The following MAFG variants were observed in gnomAD, a reference collection of about 807,000 sequenced individuals.
The protein encoded by MAFG is MAF bZIP transcription factor G.
MAFG carries 3 observed loss-of-function variants against 12.2 expected under a neutral mutation model. That is an observed-to-expected ratio of 0.25 (90% CI 0.11 to 0.64). The LOEUF (loss-of-function observed/expected upper bound fraction) is 0.64, where lower values mean the gene tolerates loss of function less well. Among genes scored for constraint, MAFG ranks in the 30% least tolerant of loss-of-function variants. The pLI is 0.85. For synonymous variants in MAFG, 126 were observed against 109.1 expected, an observed-to-expected ratio of 1.15 and a Z score of -0.96; for missense variants, 153 against 235.5, an observed-to-expected ratio of 0.65 and a Z score of 2.29.
upstream of MAFG, chr17:81,928,341 G>A (rs2040959956): frequency 6.6e-6 from 1 of 152,342 alleles, no homozygotes; most frequent in Non-Finnish European, 1.5e-5. This position sits in a 1 kb window ranked among gnomAD's most constrained non-coding sequence, Gnocchi z 8.1. Context: ...GCGAGGACTC[G>A]GGAGGAAGAT....
rs561960037 is a variant in MAFG, at chr17:81,924,246, A to G, written c.-29-1032T>C. ...GCCCACAGGGCCAGGGAGCAAAAAC[A>G]AAAGTGCTGGGGTGGCCGGACTTAA... On this transcript the variant is annotated intron_variant, in intron 1 of 2. Transcript: ENST00000357736. This position sits in a 1 kb window ranked among gnomAD's most constrained non-coding sequence, Gnocchi z 4.7. 593 of 152,318 alleles carry G rather than the reference A, an allele frequency of 3.9e-3. 4 individuals carry two copies. Among genetic ancestry groups the G allele is most frequent in the Middle Eastern group, 0.027 (8 of 294 alleles). 9.4% of individuals were successfully genotyped at this position (152,318 alleles called of 1,614,324 possible).
In MAFG at chr17:81,922,431, G is replaced by C. The variant is rs935106739; in HGVS notation, c.*174C>G. 3 of 511,100 alleles carry C rather than the reference G, an allele frequency of 5.9e-6. No homozygotes were observed. Among genetic ancestry groups the C allele is most frequent in the Non-Finnish European group, 1.0e-5 (3 of 299,252 alleles). The allele number at this position is 511,100 out of a possible 1,614,324, so 31.7% of individuals were successfully genotyped here. ...ACAAAACACACGACGACAATGACGA[G>C]ATCAAAGGGGCTCAGCCCGGCGCCC... is the stretch of plus-strand genomic sequence containing the variant. On this transcript the variant is annotated 3_prime_UTR_variant, in exon 3 of 3. Coordinates refer to ENST00000357736, the MANE Select transcript of MAFG (RefSeq NM_002359.4).
rs1451320385 is a variant in MAFG, at chr17:81,922,256, C to T, written c.*349G>A. On this transcript the variant is annotated 3_prime_UTR_variant, in exon 3 of 3. Coordinates refer to ENST00000357736, the MANE Select transcript of MAFG (RefSeq NM_002359.4). ...GGGACCCTCACTGCTCGGGGACACG[C>T]GAGGCCCAGCGTGCCTGCTCCTTCT... 4 of 173,768 alleles carry T rather than the reference C, an allele frequency of 2.3e-5. No homozygotes were observed. The highest frequency in any genetic ancestry group is 4.7e-5 in the African/African-American group (2 of 42,302). 10.8% of individuals were successfully genotyped at this position (173,768 alleles called of 1,614,324 possible). A position where few individuals can be genotyped will look rare whatever the true frequency, so the allele number is the denominator to read the frequency against.
chr17:81,918,276 T>A lies in MAFG; in HGVS notation c.*4329A>T. The A allele has an allele frequency of 3.1e-6, 2 of 654,254 alleles. No individual in the cohort carries two copies. Among genetic ancestry groups the A allele is most frequent in the Non-Finnish European group, 4.7e-6 (2 of 423,140 alleles). 40.5% of individuals were successfully genotyped at this position (654,254 alleles called of 1,614,324 possible). A position where few individuals can be genotyped will look rare whatever the true frequency, so the allele number is the denominator to read the frequency against. On this transcript the variant is annotated 3_prime_UTR_variant, in exon 3 of 3. Coordinates refer to ENST00000357736, the MANE Select transcript of MAFG (RefSeq NM_002359.4). ...CCAAAGAAGCACCTGCCAGTCTCTT[T>A]AAAAGGTTTATTGATCATATACAAA...
Position 81,926,597 on chromosome 17 carries a change from C to T in MAFG, c.-30+931G>A, listed in dbSNP as rs990375541. On this transcript the variant is annotated intron_variant, in intron 1 of 2. Coordinates refer to ENST00000357736, the MANE Select transcript of MAFG (RefSeq NM_002359.4). The surrounding 1 kb of genome is among the most constrained non-coding windows in gnomAD (Gnocchi z 4.6). Reference sequence around the variant, plus strand: ...AAGCCGACTTCCCCTTTGGCTAGCTCGGCCCACCGAAGCTCCTCCCCTCCC... The same window carrying T: ...AAGCCGACTTCCCCTTTGGCTAGCTTGGCCCACCGAAGCTCCTCCCCTCCC... Among the ~76,000 whole-genome samples, 25 of 152,122 alleles carry T rather than the reference C, an allele frequency of 1.6e-4. No homozygotes were observed. The highest frequency in any genetic ancestry group is 6.0e-4 in the African/African-American group (25 of 41,410).
chr17:81,923,177 GGTC>G lies in MAFG; in HGVS notation c.6_8del (p.Thr3del). On this transcript the variant is annotated inframe_deletion, in exon 2 of 3. Coordinates refer to ENST00000357736, the MANE Select transcript of MAFG (RefSeq NM_002359.4). ...TCAAGGCCTTGTTTCCTTTATTGGG[GGTC>G]GTCATAACCCGGGGGCACAGCGAGC... 1 of 1,607,136 alleles carries G rather than the reference GGTC, an allele frequency of 6.2e-7. No individual in the cohort carries two copies. The highest frequency in any genetic ancestry group is 8.5e-7 in the Non-Finnish European group (1 of 1,176,748).
Position 81,922,110 on chromosome 17 carries a change from A to T in MAFG, c.*495T>A, listed in dbSNP as rs2040896426. The stretch of plus-strand genomic sequence containing the variant: ...CCATCAGGGCCTTCAAGCCCGCCCT[A>T]CTCTCAGAGCAGAGCCCATCTCTTC... On this transcript the variant is annotated 3_prime_UTR_variant, in exon 3 of 3. Transcript: ENST00000357736. 6.6e-6 allele frequency: 1 copy of T among 151,978 alleles called. No homozygotes were observed. Among genetic ancestry groups the T allele is most frequent in the Admixed American group, 6.6e-5 (1 of 15,246 alleles). 9.4% of individuals were successfully genotyped at this position (151,978 alleles called of 1,614,324 possible). A position where few individuals can be genotyped will look rare whatever the true frequency, so the allele number is the denominator to read the frequency against.
At chr17:81,923,442 AAGG>A (rs1467318902) in intron 1 of MAFG, 5 of 438,076 alleles carry the variant, frequency 1.1e-5, no homozygotes, top group Non-Finnish European at 2.0e-5. Context: ...GGAGGTCAGG[AAGG>A]TCTGACGGGA....
chr17:81,919,230 C>A lies in MAFG; in HGVS notation c.*3375G>T, dbSNP rs899428654. ...AGAGCGGAAACGGTGCAGCAGGCTG[C>A]GGCTCCGACTTTCCAGATGTGGATG... is the stretch of plus-strand genomic sequence containing the variant. On this transcript the variant is annotated 3_prime_UTR_variant, in exon 3 of 3. Coordinates refer to ENST00000357736, the MANE Select transcript of MAFG (RefSeq NM_002359.4). 6.6e-6 allele frequency: 1 copy of A among 152,284 alleles called. No homozygotes were observed. The highest frequency in any genetic ancestry group is 2.1e-4 in the South Asian group (1 of 4,838). The allele number at this position is 152,284 out of a possible 1,614,324, so 9.4% of individuals were successfully genotyped here.
rs532204494 is a variant in MAFG, at chr17:81,925,604, C to T, written c.-30+1924G>A. On this transcript the variant is annotated intron_variant, in intron 1 of 2. Coordinates refer to ENST00000357736, the MANE Select transcript of MAFG (RefSeq NM_002359.4). ...TGGGTGGATTACGAGGTCAGGAGAT[C>T]GAGACCATCCTGGCTAACACGGTGA... Among the ~76,000 whole-genome samples the T allele has an allele frequency of 3.2e-3, 490 of 152,146 alleles. 1 individual carries two copies. The highest frequency in any genetic ancestry group is 4.7e-3 in the Non-Finnish European group (321 of 67,980).
At chr17:81,923,263 C>CA (rs1555620238) in intron 1 of MAFG, 49 bp from the exon 2 acceptor site, 140 of 218,674 alleles carry the variant, frequency 6.4e-4, no homozygotes, top group Admixed American at 1.3e-3. Context: ...CCTCGCCGCA[C>CA]CCCCCCCCCC....
chr17:81,926,544 G>C lies in MAFG; in HGVS notation c.-30+984C>G, dbSNP rs548943879. Among the ~76,000 whole-genome samples the C allele has an allele frequency of 2.6e-5, 4 of 152,102 alleles. No individual in the cohort carries two copies. The highest frequency in any genetic ancestry group is 5.9e-5 in the Non-Finnish European group (4 of 68,026). On this transcript the variant is annotated intron_variant, in intron 1 of 2. Coordinates refer to ENST00000357736, the MANE Select transcript of MAFG (RefSeq NM_002359.4). The surrounding 1 kb of genome is among the most constrained non-coding windows in gnomAD (Gnocchi z 4.6). ...CCCAGGACCTCGATCTCTGGCCAGG[G>C]GCTGTCCAACCAGGCCAGTCCCAGG...
At position 81,918,630 on chromosome 17, in the gene MAFG, C is replaced by T. The variant is rs1035837250; in HGVS notation, c.*3975G>A. The T allele has an allele frequency of 6.5e-6, 1 of 152,912 alleles. No homozygotes were observed. The highest frequency in any genetic ancestry group is 2.4e-5 in the African/African-American group (1 of 41,468). 9.5% of individuals were successfully genotyped at this position (152,912 alleles called of 1,614,324 possible). On this transcript the variant is annotated 3_prime_UTR_variant, in exon 3 of 3. Coordinates refer to ENST00000357736, the MANE Select transcript of MAFG (RefSeq NM_002359.4). ...TAGACCTAGGCAGGGCAGGCAGGGA[C>T]TGATCAACTCTGCTTGGACCCACCT... is the stretch of plus-strand genomic sequence containing the variant.
rs562338291 is a variant in MAFG, at chr17:81,925,676, T to G, written c.-30+1852A>C. Among the ~76,000 whole-genome samples, 6 of 151,672 alleles carry G rather than the reference T, an allele frequency of 4.0e-5. No homozygotes were observed. The South Asian group carries it at 1.3e-3, about 32-fold the overall frequency. Reference sequence around the variant, plus strand: ...ACAAAAAAATAGCCGGGCGTCGTGGTGGGCGCCTGTAGTCCCAGCTACTCG... The same window carrying G: ...ACAAAAAAATAGCCGGGCGTCGTGGGGGGCGCCTGTAGTCCCAGCTACTCG... On this transcript the variant is annotated intron_variant, in intron 1 of 2. Transcript: ENST00000357736.
At chr17:81,928,119 C>G (rs1162662506), upstream of MAFG, 24 of 152,160 alleles carry the variant, frequency 1.6e-4, no homozygotes, top group Admixed American at 1.4e-3. The surrounding 1 kb of genome is among the most constrained non-coding windows in gnomAD (Gnocchi z 8.1). Context: ...GGCGCTCTTG[C>G]GTCAGGACGG....
chr17:81,923,496 A>G lies in MAFG; in HGVS notation c.-29-282T>C, dbSNP rs867726651. On this transcript the variant is annotated intron_variant, in intron 1 of 2. Transcript: ENST00000357736. ...GCTGTTAGGAAGGCAGGCGCAAGAC[A>G]AGGGGCAGGGGAGAGATTAGAAGGA... The G allele has an allele frequency of 2.0e-4, 68 of 341,638 alleles. No individual in the cohort carries two copies. The Middle Eastern group carries it at 4.6e-3, about 23-fold the overall frequency. The allele number at this position is 341,638 out of a possible 1,614,324, so 21.2% of individuals were successfully genotyped here.
rs144877365 is a variant in MAFG at position 81,925,004 on chromosome 17, T to G, written c.-29-1790A>C. Among the ~76,000 whole-genome samples the G allele has an allele frequency of 1.4e-3, 215 of 152,252 alleles. 1 individual carries two copies. Among genetic ancestry groups the G allele is most frequent in the African/African-American group, 5.0e-3 (208 of 41,558 alleles). On this transcript the variant is annotated intron_variant, in intron 1 of 2. Coordinates refer to ENST00000357736, the MANE Select transcript of MAFG (RefSeq NM_002359.4). The stretch of plus-strand genomic sequence containing the variant: ...CTCAGCACAAGTGCAAGCCATCGCC[T>G]CCTATCAAAGGTGCGCCGGGGGGTG...
rs1001048844 is a variant in MAFG, at chr17:81,921,080, G to A, written c.*1525C>T. On this transcript the variant is annotated 3_prime_UTR_variant, in exon 3 of 3. Coordinates refer to ENST00000357736, the MANE Select transcript of MAFG (RefSeq NM_002359.4). ...TGTAATGCCACCACCCAAGGCCAGA[G>A]GTGGTGGGTGTGGAAGCAGCGTGGG... 1.3e-5 allele frequency: 2 copies of A among 152,354 alleles called. No homozygotes were observed. Among genetic ancestry groups the A allele is most frequent in the African/African-American group, 4.8e-5 (2 of 41,448 alleles). The allele number at this position is 152,354 out of a possible 1,614,324, so 9.4% of individuals were successfully genotyped here.
At position 81,920,211 on chromosome 17, in the gene MAFG, A is replaced by G. The variant is rs2040876661; in HGVS notation, c.*2394T>C. Reference sequence around the variant, plus strand: ...GAGGGGGATGAAGTCACTAAATGACAAGAGTCAACAGCCAATATTTCCATT... The same window carrying G: ...GAGGGGGATGAAGTCACTAAATGACGAGAGTCAACAGCCAATATTTCCATT... On this transcript the variant is annotated 3_prime_UTR_variant, in exon 3 of 3. Transcript: ENST00000357736. 1 of 152,228 alleles carries G rather than the reference A, an allele frequency of 6.6e-6. No individual in the cohort carries two copies. Among genetic ancestry groups the G allele is most frequent in the Non-Finnish European group, 1.5e-5 (1 of 68,042 alleles). The allele number at this position is 152,228 out of a possible 1,614,324, so 9.4% of individuals were successfully genotyped here. A position where few individuals can be genotyped will look rare whatever the true frequency, so the allele number is the denominator to read the frequency against.
Sources: allele counts gnomAD v4.1 joint callset (sites outside exome capture counted in the v4.1 genomes callset), GRCh38; gene constraint gnomAD v4.1.1; non-coding constraint Gnocchi (gnomAD v3.1); transcripts MANE v1.5; gene names NCBI Gene and HGNC (gene_info 2026-07-23, HGNC 2026-07-21).